The following ZSCAN9 variants were observed in gnomAD, a reference collection of about 807,000 sequenced individuals.
ZSCAN9 encodes the protein zinc finger and SCAN domain containing 9.
In ZSCAN9, 19 loss-of-function variants were observed where a neutral mutation model predicts 23.0. That is an observed-to-expected ratio of 0.83 (90% CI 0.58 to 1.21). The LOEUF (loss-of-function observed/expected upper bound fraction) is 1.21, where lower values mean the gene tolerates loss of function less well. Among genes scored for constraint, ZSCAN9 ranks in the 50% most tolerant of loss-of-function variants. The probability of loss-of-function intolerance (pLI) is 0.00; values close to 1 mark genes in which losing one functional copy is unlikely to be tolerated. For synonymous variants in ZSCAN9, 155 were observed against 164.8 expected (o/e 0.94, Z 0.46); for missense variants, 467 against 471.5 (o/e 0.99, Z 0.09).
At chr6:28,228,006 C>T (rs1476061549) in intron 3 of ZSCAN9, 169 bp downstream of exon 3, 11 of 819,230 alleles carry the variant, frequency 1.3e-5, no homozygotes, top group African/African-American at 3.4e-5. Flanking sequence ...CTTCTCCCTG[C>T]GTGCAGACTT....
chr6:28,227,760 T>G lies in ZSCAN9; in HGVS notation c.491T>G (p.Leu164Arg), dbSNP rs765050804. ...GTGCCTCTAGCAGAGCAGACACCACTGACCCTTCAGTCCCAGCCTAAGGAG... is the reference window on the plus strand; with the variant it reads ...GTGCCTCTAGCAGAGCAGACACCACGGACCCTTCAGTCCCAGCCTAAGGAG... ...EMVPLAEQTP[L>R]TLQSQPKEPQ... The change falls in exon 3 of 4, where the codon CTG becomes CGG. Residue 164 changes from leucine to arginine, a missense_variant. Coordinates refer to ENST00000252207, the MANE Select transcript of ZSCAN9 (RefSeq NM_006299.5). The G allele has an allele frequency of 1.5e-5, 25 of 1,613,492 alleles. No homozygotes were observed. In the Admixed American group the frequency reaches 2.0e-4, roughly 13 times the overall value.
intron 3 of ZSCAN9, chr6:28,228,119 C>T: frequency 1.5e-6 from 1 of 670,806 alleles, no homozygotes; most frequent in East Asian, 2.7e-5. Context: ...GAATGGACTT[C>T]AAGGTTTGAC....
chr6:28,230,214 G>A lies in ZSCAN9; in HGVS notation c.569-2348G>A, dbSNP rs1042625564. The A allele has an allele frequency of 5.2e-5, 45 of 866,502 alleles. No homozygotes were observed. The East Asian group carries it at 1.1e-3, about 22-fold the overall frequency. 53.7% of individuals were successfully genotyped at this position (866,502 alleles called of 1,614,324 possible). On this transcript the variant is annotated intron_variant, in intron 3 of 3. Coordinates refer to ENST00000252207, the MANE Select transcript of ZSCAN9 (RefSeq NM_006299.5). The stretch of plus-strand genomic sequence containing the variant: ...ATAATAACATCGAGTTTTGTGGTGA[G>A]TCAGTTTGATAATATATCTGAAAGT...
chr6:28,233,142 C>G lies in ZSCAN9; in HGVS notation c.1149C>G (p.Arg383=), dbSNP rs992921891. The G allele has an allele frequency of 4.3e-6, 7 of 1,613,976 alleles. 1 individual carries two copies. The South Asian group carries it at 7.7e-5, about 18-fold the overall frequency. ...TTAATCGACACTGCAACCTCATTCG[C>G]CATCAGAAGATCCACACAGTGGCTG... ...KSFNRHCNLI[R]HQKIHTVAEL... The change falls in exon 4 of 4, where the codon CGC becomes CGG. Residue 383 remains arginine (R), a synonymous_variant. Transcript: ENST00000252207.
rs781605531 is a variant in ZSCAN9, at chr6:28,233,033, A to G, written c.1040A>G (p.Tyr347Cys). 6.2e-7 allele frequency: 1 copy of G among 1,614,064 alleles called. No individual in the cohort carries two copies. The highest frequency in any genetic ancestry group is 8.5e-7 in the Non-Finnish European group (1 of 1,180,006). The change falls in exon 4 of 4, where the codon TAC becomes TGC. Residue 347 changes from tyrosine (Y) to cysteine (C), a missense_variant. Transcript: ENST00000252207. The part of the protein sequence containing the change: ...PYQCSQCSKS[Y>C]SRRSFLIEHQ... ...CAGTGCAGCCAGTGCAGTAAGAGCT[A>G]CAGTCGGCGTTCATTTCTCATTGAA...
intron 3 of ZSCAN9, chr6:28,229,193 A>T (rs1038553457): frequency 3.3e-5 from 5 of 152,174 alleles, no homozygotes; most frequent in African/African-American, 1.2e-4. Context: ...GTGTTGAGTA[A>T]ATTCTGTGCA....
chr6:28,226,800 AAAAG>A (rs1387227234), intron 1 of ZSCAN9: 13 of 211,912 alleles, frequency 6.1e-5, no homozygotes, highest in South Asian at 3.6e-4. Flanking sequence ...ATTTAAAAAA[AAAAG>A]AAAGAAAGAA....
Position 28,232,826 on chromosome 6 carries a change from G to C in ZSCAN9, c.833G>C (p.Gly278Ala). Residue 278 changes from glycine (G) to alanine (A), a missense_variant, in exon 4 of 4, where the codon GGA becomes GCA. Transcript: ENST00000252207. ...ATTCGACATCAAAGAATTCATACTG[G>C]AGAAAGACCTTATGAATGTAATGAA... ...GLIRHQRIHT[G>A]ERPYECNECG... 6.2e-7 allele frequency: 1 copy of C among 1,614,186 alleles called. No individual in the cohort carries two copies. Among genetic ancestry groups the C allele is most frequent in the Non-Finnish European group, 8.5e-7 (1 of 1,180,032 alleles).
rs77892573 is a variant in ZSCAN9, at chr6:28,232,996, G to A, written c.1003G>A (p.Glu335Lys). 2 of 1,614,036 alleles carry A rather than the reference G, an allele frequency of 1.2e-6. No homozygotes were observed. The highest frequency in any genetic ancestry group is 1.1e-5 in the South Asian group (1 of 91,082). ...LIQHQRIHKG[E>K]KPYQCSQCSK... ...CCAGCATCAGAGAATCCACAAAGGA[G>A]AAAAGCCGTATCAGTGCAGCCAGTG... The change falls in exon 4 of 4, where the codon GAA becomes AAA. Residue 335 changes from glutamate (E) to lysine (K), a missense_variant. By Grantham distance (56) the Glu-to-Lys change is moderately conservative (BLOSUM62 1). Transcript: ENST00000252207.
At chr6:28,230,887 C>T (rs1368837925) in intron 3 of ZSCAN9, among the ~76,000 whole-genome samples, 1 of 151,980 alleles carries the variant, frequency 6.6e-6, no homozygotes, top group Non-Finnish European at 1.5e-5. Context: ...TTAAAGGAAG[C>T]GAGAGAGTGG....
At chr6:28,232,527 A>G (rs771159677) in intron 3 of ZSCAN9, 35 bp from the exon 4 acceptor site, 11 of 1,581,138 alleles carry the variant, frequency 7.0e-6, no homozygotes, top group Non-Finnish European at 8.6e-6. Flanking sequence ...CTCAGGGAAC[A>G]AGTGACATTT....
At chr6:28,226,400 A>G (rs1468525255) in intron 1 of ZSCAN9, among the ~76,000 whole-genome samples, 1 of 152,242 alleles carries the variant, frequency 6.6e-6, no homozygotes, top group Non-Finnish European at 1.5e-5. Context: ...CATTTAGTCG[A>G]CAGTAACAAT....
intron 3 of ZSCAN9, among the ~76,000 whole-genome samples, chr6:28,230,896 G>A (rs1216841493): frequency 6.6e-6 from 1 of 152,066 alleles, no homozygotes; most frequent in Admixed American, 6.5e-5. Flanking sequence ...GCGAGAGAGT[G>A]GGCCTTGCTT....
At position 28,233,076 on chromosome 6, in the gene ZSCAN9, A is replaced by G. The variant is rs758028501; in HGVS notation, c.1083A>G (p.Thr361=). The G allele has an allele frequency of 9.9e-6, 16 of 1,613,898 alleles. No homozygotes were observed. Among genetic ancestry groups the G allele is most frequent in the East Asian group, 2.2e-5 (1 of 44,878 alleles). The change falls in exon 4 of 4, where the codon ACA becomes ACG. Residue 361 remains threonine, a synonymous_variant. Coordinates refer to ENST00000252207, the MANE Select transcript of ZSCAN9 (RefSeq NM_006299.5). ...TCATTGAACATCAGAGAAGCCACAC[A>G]GGGGAGCGACCTCACCAGTGCATTG... is the stretch of plus-strand genomic sequence containing the variant. The part of the protein sequence containing the change: ...SFLIEHQRSH[T]GERPHQCIEC...
In ZSCAN9 at chr6:28,232,560, A is replaced by T. The variant is rs1463401360; in HGVS notation, c.569-2A>T. ...TTTACCTAGCCTTTTTCTTTGTTTC[A>T]GATGAAGTAACCAAGACTGAGGACA... On this transcript the variant is annotated splice_acceptor_variant, in intron 3 of 3. Transcript: ENST00000252207. LOFTEE classifies it high-confidence loss of function. 2 of 1,604,212 alleles carry T rather than the reference A, an allele frequency of 1.2e-6. No homozygotes were observed. The highest frequency in any genetic ancestry group is 3.4e-5 in the Admixed American group (2 of 58,928).
At position 28,230,048 on chromosome 6, in the gene ZSCAN9, AG is replaced by A. The variant is rs1467631948; in HGVS notation, c.568+2214del. Among the ~76,000 whole-genome samples, 7 of 152,122 alleles carry A rather than the reference AG, an allele frequency of 4.6e-5. No individual in the cohort carries two copies. The East Asian group carries it at 1.4e-3, about 29-fold the overall frequency. ...AATGTTTTGTATTTTTAATAGAGAC[AG>A]GGTTTCACTGTGTTAGCCAGGATGG... On this transcript the variant is annotated intron_variant, in intron 3 of 3. Coordinates refer to ENST00000252207, the MANE Select transcript of ZSCAN9 (RefSeq NM_006299.5).
At chr6:28,231,013 A>G (rs1014569702) in intron 3 of ZSCAN9, among the ~76,000 whole-genome samples, 2 of 152,184 alleles carry the variant, frequency 1.3e-5, no homozygotes, top group South Asian at 4.1e-4. Flanking sequence ...AAAGTATAGT[A>G]GTCCTCACTA....
chr6:28,227,948 G>T, intron 3 of ZSCAN9, 111 bp downstream of exon 3: 2 of 1,262,006 alleles, frequency 1.6e-6, no homozygotes, highest in Non-Finnish European at 2.3e-6. Context: ...TTACCAGATA[G>T]CAGTAATGGT....
chr6:28,228,019 C>T, intron 3 of ZSCAN9, 182 bp downstream of exon 3: 2 of 760,162 alleles, frequency 2.6e-6, no homozygotes, highest in East Asian at 2.7e-5. Flanking sequence ...GCAGACTTCT[C>T]CCTGAGTACC....
Sources: gnomAD v4.1 joint callset for allele counts (sites outside exome capture counted in the v4.1 genomes callset) on GRCh38, gnomAD v4.1.1 for gene constraint, MANE v1.5 for transcripts, NCBI Gene and HGNC (gene_info 2026-07-23, HGNC 2026-07-21) for gene names.